Variants in MAPT observed in about 807,000 individuals in gnomAD.
MAPT encodes microtubule-associated protein tau.
Under a neutral mutation model 67.9 loss-of-function variants are expected in MAPT, and 34 were observed. That is an observed-to-expected ratio of 0.50 (90% confidence interval 0.38 to 0.67). MAPT has a LOEUF of 0.67. Ranked by LOEUF, MAPT falls within the 30% of genes least tolerant of loss-of-function variation. MAPT has a pLI of 0.00. For missense variants in MAPT, 881 were observed against 1,115.2 expected (o/e 0.79, Z 2.99); for synonymous variants, 456 against 464.5 (o/e 0.98, Z 0.23).
chr17:45,937,840 G>A (rs751684990), intron 1 of MAPT, among the ~76,000 whole-genome samples: 3 of 152,180 alleles, frequency 2.0e-5, no homozygotes, highest in Non-Finnish European at 4.4e-5. Flanking sequence ...TCCAATCCTG[G>A]CCCTGCCACT....
intron 1 of MAPT, among the ~76,000 whole-genome samples, chr17:45,903,952 TTATATA>T (rs1179200895): frequency 0.17 from 2,195 of 13,198 alleles, 312 homozygotes; most frequent in African/African-American, 0.2. Context: ...ATAATATATA[TTATATA>T]TTATATATTA....
chr17:45,951,437 C>T (rs1315328903), intron 1 of MAPT, among the ~76,000 whole-genome samples: 2 of 152,114 alleles, frequency 1.3e-5, no homozygotes, highest in Non-Finnish European at 2.9e-5. Flanking sequence ...ATTTATGATT[C>T]GATTCCATGG....
chr17:45,908,188 G>A (rs982052287), intron 1 of MAPT: 2 of 152,256 alleles, frequency 1.3e-5, no homozygotes, highest in African/African-American at 4.8e-5. Context: ...TTAGTGCTGT[G>A]GGCAGGTCCA....
chr17:45,978,519 A>G, intron 4 of MAPT, 79 bp downstream of exon 4: 1 of 1,163,434 alleles, frequency 8.6e-7, no homozygotes, highest in Non-Finnish European at 1.3e-6. Flanking sequence ...TGAAAAGATC[A>G]TTTGGACCTG....
In MAPT at chr17:45,907,418, C is replaced by T. The variant is rs537209322; in HGVS notation, c.-18+12732C>T. On this transcript the variant is annotated intron_variant, in intron 1 of 12. Transcript: ENST00000262410. Reference sequence around the variant, plus strand: ...CCTCACAGTTTCCTTCTTGCCCCCGCTTCCTGTGTAGGACTCATCTGCCCA... The same window carrying T: ...CCTCACAGTTTCCTTCTTGCCCCCGTTTCCTGTGTAGGACTCATCTGCCCA... 2.6e-5 allele frequency among the ~76,000 whole-genome samples: 4 copies of T among 152,322 alleles called. No individual in the cohort carries two copies. The South Asian group carries it at 8.3e-4, about 32-fold the overall frequency.
intron 12 of MAPT, among the ~76,000 whole-genome samples, chr17:46,023,415 G>A (rs2076651537): frequency 6.6e-6 from 1 of 152,216 alleles, no homozygotes; most frequent in South Asian, 2.1e-4. Flanking sequence ...GTTTGTTTAT[G>A]TGTGGAATAT....
rs1392399088 is a variant in MAPT, at chr17:45,991,544, C to A, written c.1690C>A (p.Pro564Thr). ...QKGQANATRI[P>T]AKTPPAPKTP... ...GGGCCAGGCCAACGCCACCAGGATT[C>A]CAGCAAAAACCCCGCCCGCTCCAAA... Residue 564 changes from proline to threonine, a missense_variant, in exon 8 of 13, where the codon CCA (proline) becomes ACA (threonine). By Grantham distance (38) the Pro-to-Thr change is conservative (BLOSUM62 -1). Around this residue, in one of 6 missense-constraint regions of MAPT, gnomAD observed 687 missense variants for 766.1 expected, o/e 0.90. Transcript: ENST00000262410. 1.2e-6 allele frequency: 2 copies of A among 1,614,174 alleles called. No individual in the cohort carries two copies.
Position 45,996,574 on chromosome 17 carries a change from G to C in MAPT, c.1908G>C (p.Gln636His). Residue 636 changes from glutamine (Q) to histidine (H), a missense_variant, in exon 9 of 13, where the codon CAG becomes CAC. Physicochemically the swap from Gln to His is conservative, Grantham distance 24. Coordinates refer to ENST00000262410, the MANE Select transcript of MAPT (RefSeq NM_001377265.1). This position sits in a 1 kb window ranked among gnomAD's most constrained non-coding sequence, Gnocchi z 4.5. ...KSPSSAKSRL[Q>H]TAPVPMPDLK... ...CGTCTTCCGCCAAGAGCCGCCTGCA[G>C]ACAGCCCCCGTGCCCATGCCAGACC... is the stretch of plus-strand genomic sequence containing the variant. The C allele has an allele frequency of 6.2e-7, 1 of 1,613,858 alleles. No homozygotes were observed. The highest frequency in any genetic ancestry group is 8.5e-7 in the Non-Finnish European group (1 of 1,179,900).
rs2073912415 is a variant in MAPT at position 45,989,760 on chromosome 17, A to T, written c.1408-118A>T. ...GGTACCTGATTCAAACAGCCTGGAGATCACTGCTTTCAACCATTACCTGCC... is the reference window on the plus strand; with the variant it reads ...GGTACCTGATTCAAACAGCCTGGAGTTCACTGCTTTCAACCATTACCTGCC... On this transcript the variant is annotated intron_variant, in intron 6 of 12. Coordinates refer to ENST00000262410, the MANE Select transcript of MAPT (RefSeq NM_001377265.1). 3 of 893,380 alleles carry T rather than the reference A, an allele frequency of 3.4e-6. No homozygotes were observed. In the South Asian group the frequency reaches 4.1e-5, roughly 12 times the overall value. The allele number at this position is 893,380 out of a possible 1,614,324, so 55.3% of individuals were successfully genotyped here. A position where few individuals can be genotyped will look rare whatever the true frequency, so the allele number is the denominator to read the frequency against.
chr17:45,959,780 TA>T lies in MAPT; in HGVS notation c.-17-2529del, dbSNP rs879579595. Among the ~76,000 whole-genome samples the T allele has an allele frequency of 7.3e-3, 1,058 of 145,332 alleles. 12 individuals are homozygous for T. The highest frequency in any genetic ancestry group is 0.024 in the African/African-American group (939 of 39,952). ...TGGGTGACAAGAGTGAAACTCCATC[TA>T]AAAAAAAAAAATTATGGACAAAGTT... On this transcript the variant is annotated intron_variant, in intron 1 of 12. Coordinates refer to ENST00000262410, the MANE Select transcript of MAPT (RefSeq NM_001377265.1).
At chr17:45,991,057 A>G (rs528233527) in intron 7 of MAPT, among the ~76,000 whole-genome samples, 92 of 152,354 alleles carry the variant, frequency 6.0e-4, no homozygotes, top group Non-Finnish European at 1.0e-3. Context: ...GGTGGAGCCA[A>G]CCACCATCAG....
chr17:46,005,503 A>G (rs1389564728), intron 9 of MAPT, among the ~76,000 whole-genome samples: 1 of 152,268 alleles, frequency 6.6e-6, no homozygotes, highest in Non-Finnish European at 1.5e-5. Context: ...AGGCTACTCC[A>G]GAGGCTGAGG....
At position 45,897,764 on chromosome 17, in the gene MAPT, T is replaced by A. The variant is rs998366935; in HGVS notation, c.-18+3078T>A. On this transcript the variant is annotated intron_variant, in intron 1 of 12. Transcript: ENST00000262410. The surrounding 1 kb of genome is among the most constrained non-coding windows in gnomAD (Gnocchi z 5.0). ...CCAGGCTGGAAGGGATGATGGGGGC[T>A]CCGACAGCGACTGCCTAGCTCACCC... 5 of 150,288 alleles carry A rather than the reference T, an allele frequency of 3.3e-5. No individual in the cohort carries two copies. The highest frequency in any genetic ancestry group is 6.0e-5 in the Non-Finnish European group (4 of 66,754). The allele number at this position is 150,288 out of a possible 1,614,324, so 9.3% of individuals were successfully genotyped here.
intron 2 of MAPT, among the ~76,000 whole-genome samples, chr17:45,968,777 G>A (rs1568252267): frequency 6.6e-6 from 1 of 152,318 alleles, no homozygotes; most frequent in East Asian, 1.9e-4. Context: ...GCTACACTGG[G>A]CCCTTCAACC....
chr17:45,926,436 G>A (rs1003193103), intron 1 of MAPT, among the ~76,000 whole-genome samples: 1 of 151,924 alleles, frequency 6.6e-6, no homozygotes, highest in Non-Finnish European at 1.5e-5. Flanking sequence ...AGCCTCCCAA[G>A]TAGATGGGAC....
Position 45,904,315 on chromosome 17 carries a change from A to ATATAT in MAPT, c.-18+9630_-18+9634dup, listed in dbSNP as rs1491262513. Among the ~76,000 whole-genome samples the ATATAT allele has an allele frequency of 2.7e-4, 15 of 55,174 alleles. 1 individual carries two copies. Among genetic ancestry groups the ATATAT allele is most frequent in the African/African-American group, 8.5e-4 (13 of 15,246 alleles). The allele number at this position is 55,174 out of a possible 152,430, so 36.2% of individuals were successfully genotyped here. On this transcript the variant is annotated intron_variant, in intron 1 of 12. Coordinates refer to ENST00000262410, the MANE Select transcript of MAPT (RefSeq NM_001377265.1). ...TATAATATATAATATATATAAAAAC[A>ATATAT]TATATAATATATATTATATATTATA...
chr17:45,901,461 CAG>C lies in MAPT; in HGVS notation c.-18+6777_-18+6778del, dbSNP rs559526266. ...GTGCTGACATTGGTAAACTGGCAAA[CAG>C]ATTTCAGGGTGGTTGGTTGAGAGTA... On this transcript the variant is annotated intron_variant, in intron 1 of 12. Transcript: ENST00000262410. Among the ~76,000 whole-genome samples the C allele has an allele frequency of 3.3e-4, 51 of 152,310 alleles. 1 individual carries two copies. The South Asian group carries it at 0.01, about 31-fold the overall frequency.
chr17:46,023,841 A>T, intron 12 of MAPT, 115 bp from the exon 13 acceptor site: 1 of 866,136 alleles, frequency 1.2e-6, no homozygotes, highest in South Asian at 1.4e-5. Flanking sequence ...ACCCTGTCTC[A>T]AAAACAAACA....
At chr17:45,911,983 C>T (rs2064831981) in intron 1 of MAPT, among the ~76,000 whole-genome samples, 2 of 152,158 alleles carry the variant, frequency 1.3e-5, no homozygotes, top group Admixed American at 1.3e-4. Context: ...GCCTTAGATT[C>T]TCCTGAAAAC....
Sources: allele counts gnomAD v4.1 joint callset (sites outside exome capture counted in the v4.1 genomes callset), GRCh38; gene constraint gnomAD v4.1.1; regional missense constraint gnomAD v4.1.1; non-coding constraint Gnocchi (gnomAD v3.1); transcripts MANE v1.5; gene names NCBI Gene and HGNC (gene_info 2026-07-23, HGNC 2026-07-21).